Variants in GRIA1 observed in about 807,000 individuals in gnomAD.
The protein encoded by GRIA1 is glutamate ionotropic receptor AMPA type subunit 1.
GRIA1 carries 31 observed loss-of-function variants against 99.2 expected under a neutral mutation model. The observed-to-expected ratio is 0.31, with a 90% CI of 0.23 to 0.42. The LOEUF (loss-of-function observed/expected upper bound fraction) is 0.42. GRIA1 is among the 10% of genes least tolerant of loss of function. The pLI, the probability that GRIA1 is intolerant of heterozygous loss-of-function variation, is 1.00. For synonymous variants in GRIA1, 438 were observed against 432.4 expected (o/e 1.01, Z -0.16); for missense variants, 782 against 1,157.5 (o/e 0.68, Z 4.71).
chr5:153,594,154 T>G (rs1041664950), intron 2 of GRIA1, among the ~76,000 whole-genome samples: 1 of 152,220 alleles, frequency 6.6e-6, no homozygotes, highest in Non-Finnish European at 1.5e-5. Flanking sequence ...TACGATTATC[T>G]TTTTGTCTCT....
intron 2 of GRIA1, among the ~76,000 whole-genome samples, chr5:153,622,409 G>A (rs898589191): frequency 4.6e-5 from 7 of 152,122 alleles, no homozygotes; most frequent in Non-Finnish European, 1.0e-4. Context: ...AAACATGGTG[G>A]GTGTGACCCA....
At chr5:153,758,732 A>G (rs1762988600) in intron 11 of GRIA1, among the ~76,000 whole-genome samples, 1 of 152,020 alleles carries the variant, frequency 6.6e-6, no homozygotes, top group Non-Finnish European at 1.5e-5. Flanking sequence ...ATACCTTTAT[A>G]GAACATTCCA....
chr5:153,746,094 G>T (rs1762137861), intron 11 of GRIA1, among the ~76,000 whole-genome samples: 1 of 152,282 alleles, frequency 6.6e-6, no homozygotes, highest in African/African-American at 2.4e-5. Flanking sequence ...TTAACAAATG[G>T]CAGGGGGCAG....
intron 2 of GRIA1, among the ~76,000 whole-genome samples, chr5:153,496,089 C>T (rs1246271771): frequency 6.6e-6 from 1 of 152,210 alleles, no homozygotes; most frequent in Non-Finnish European, 1.5e-5. Flanking sequence ...AAGATGTTGA[C>T]TGGCACAGCA....
At chr5:153,538,982 C>A (rs987503624) in intron 2 of GRIA1, among the ~76,000 whole-genome samples, 2 of 152,158 alleles carry the variant, frequency 1.3e-5, no homozygotes, top group Non-Finnish European at 2.9e-5. Flanking sequence ...GAATTATTTT[C>A]TGTCAATATC....
At chr5:153,632,228 A>C (rs948732026) in intron 2 of GRIA1, among the ~76,000 whole-genome samples, 40 of 152,232 alleles carry the variant, frequency 2.6e-4, no homozygotes, top group African/African-American at 9.2e-4. Flanking sequence ...AAGTGCAATA[A>C]GTCTACAGTG....
chr5:153,731,990 G>T (rs1761066890), intron 11 of GRIA1, among the ~76,000 whole-genome samples: 1 of 152,022 alleles, frequency 6.6e-6, no homozygotes, highest in Non-Finnish European at 1.5e-5. Flanking sequence ...GTGGGATCAG[G>T]TGTCATTTGT....
rs1409911246 is a variant in GRIA1 at position 153,655,964 on chromosome 5, T to C, written c.699+92T>C. 7.4e-6 allele frequency: 8 copies of C among 1,086,622 alleles called. No homozygotes were observed. In the African/African-American group the frequency reaches 1.2e-4, roughly 17 times the overall value. 67.3% of individuals were successfully genotyped at this position (1,086,622 alleles called of 1,614,324 possible). A position where few individuals can be genotyped will look rare whatever the true frequency, so the allele number is the denominator to read the frequency against. ...TTGTCCCTGGCTGATGTGAACTGAG[T>C]AGGTGGAAGGGGCAATTCAGGGCTG... is the stretch of plus-strand genomic sequence containing the variant. On this transcript the variant is annotated intron_variant, in intron 5 of 15. Coordinates refer to ENST00000285900, the MANE Select transcript of GRIA1 (RefSeq NM_000827.4).
chr5:153,766,332 G>C (rs972187017), intron 12 of GRIA1, among the ~76,000 whole-genome samples: 1 of 152,124 alleles, frequency 6.6e-6, no homozygotes, highest in Non-Finnish European at 1.5e-5. Flanking sequence ...GTGTGAAGAA[G>C]GTGCCTGTTT....
chr5:153,714,197 G>T (rs941986649), intron 11 of GRIA1, among the ~76,000 whole-genome samples: 5 of 152,120 alleles, frequency 3.3e-5, no homozygotes, highest in African/African-American at 1.2e-4. Context: ...GATAGTCATT[G>T]CCATGGGAAC....
chr5:153,680,711 T>C (rs2149491471), intron 7 of GRIA1, among the ~76,000 whole-genome samples: 1 of 152,134 alleles, frequency 6.6e-6, no homozygotes, highest in South Asian at 2.1e-4. Context: ...GGTCTGGGGT[T>C]GGGTGGGCAA....
At chr5:153,527,882 C>T (rs549100) in intron 2 of GRIA1, among the ~76,000 whole-genome samples, 53,727 of 152,004 alleles carry the variant, frequency 0.35, 9,901 homozygotes, top group African/African-American at 0.46. Flanking sequence ...CCATTGCAGT[C>T]CTTGATCAAT....
chr5:153,733,083 A>G (rs1352546051), intron 11 of GRIA1, among the ~76,000 whole-genome samples: 1 of 151,822 alleles, frequency 6.6e-6, no homozygotes, highest in East Asian at 1.9e-4. Context: ...AAAAGATAAA[A>G]GTACCAAAAA....
chr5:153,778,939 G>A (rs1764457862), intron 13 of GRIA1, among the ~76,000 whole-genome samples: 1 of 152,084 alleles, frequency 6.6e-6, no homozygotes, highest in Non-Finnish European at 1.5e-5. Flanking sequence ...TGCATCTGAT[G>A]CATATTAAGG....
At chr5:153,578,039 T>C (rs921838434) in intron 2 of GRIA1, among the ~76,000 whole-genome samples, 25 of 149,548 alleles carry the variant, frequency 1.7e-4, no homozygotes, top group Admixed American at 2.0e-4. Flanking sequence ...TAATTCTAGC[T>C]ACTCGGGAGG....
intron 13 of GRIA1, among the ~76,000 whole-genome samples, chr5:153,777,984 G>T (rs1401974887): frequency 1.3e-5 from 2 of 152,172 alleles, no homozygotes; most frequent in African/African-American, 4.8e-5. Flanking sequence ...TGTGACCCAG[G>T]TCGGGCCTGA....
At chr5:153,730,818 C>G (rs1581557475) in intron 11 of GRIA1, among the ~76,000 whole-genome samples, 1 of 152,134 alleles carries the variant, frequency 6.6e-6, no homozygotes, top group East Asian at 1.9e-4. Context: ...CTGATGAAAC[C>G]CACCTGTATT....
intron 11 of GRIA1, among the ~76,000 whole-genome samples, chr5:153,753,989 C>T (rs765095399): frequency 2.0e-5 from 3 of 152,178 alleles, no homozygotes; most frequent in Non-Finnish European, 4.4e-5. Flanking sequence ...TGGACTGAGT[C>T]GTTCTAGTTT....
intron 2 of GRIA1, among the ~76,000 whole-genome samples, chr5:153,624,396 T>G (rs543915662): frequency 3.0e-4 from 45 of 152,326 alleles, no homozygotes; most frequent in African/African-American, 9.9e-4. Context: ...GCCCAAGGGC[T>G]GTGCCTGCTT....
Sources: gnomAD v4.1 joint callset for allele counts (sites outside exome capture counted in the v4.1 genomes callset) on GRCh38, gnomAD v4.1.1 for gene constraint, MANE v1.5 for transcripts, NCBI Gene and HGNC (gene_info 2026-07-23, HGNC 2026-07-21) for gene names.